Variants in SGCD observed in about 807,000 individuals in gnomAD.
SGCD encodes sarcoglycan delta.
Under a neutral mutation model 36.6 loss-of-function variants are expected in SGCD, and 18 were observed. The ratio of observed to expected loss-of-function variants is 0.49; its 90% confidence interval spans 0.34 to 0.73. SGCD has a LOEUF of 0.73. SGCD is among the 30% of genes least tolerant of loss of function. The probability of loss-of-function intolerance (pLI) is 0.01; values close to 1 mark genes in which losing one functional copy is unlikely to be tolerated. For synonymous variants in SGCD, 133 were observed against 130.6 expected (o/e 1.02, Z -0.12); for missense variants, 387 against 346.7 (o/e 1.12, Z -0.92).
At chr5:155,873,585 A>G (rs1258555955) in intron 1 of SGCD, among the ~76,000 whole-genome samples, 1 of 152,160 alleles carries the variant, frequency 6.6e-6, no homozygotes, top group Non-Finnish European at 1.5e-5. Context: ...AATGCACACT[A>G]TTCAGGTGAT....
chr5:156,492,015 C>A (rs1755968644), intron 3 of SGCD, among the ~76,000 whole-genome samples: 1 of 151,980 alleles, frequency 6.6e-6, no homozygotes, highest in African/African-American at 2.4e-5. Context: ...CAGTCTGTGA[C>A]AATGATGGCT....
chr5:156,600,976 A>G (rs555534310), intron 6 of SGCD, among the ~76,000 whole-genome samples: 1 of 152,252 alleles, frequency 6.6e-6, no homozygotes, highest in Middle Eastern at 3.4e-3. Context: ...AGAAATATCT[A>G]TTAAGATCTT....
chr5:155,766,422 T>A, the SGCD span, among the ~76,000 whole-genome samples: 1 of 152,102 alleles, frequency 6.6e-6, no homozygotes, highest in East Asian at 1.9e-4. Context: ...CTGGCTTTGA[T>A]AGAAGAATGG....
At chr5:156,726,982 A>G (rs1755809425) in intron 7 of SGCD, among the ~76,000 whole-genome samples, 1 of 152,252 alleles carries the variant, frequency 6.6e-6, no homozygotes, top group South Asian at 2.1e-4. Flanking sequence ...TACATTTAGT[A>G]CTATGGTAAC....
intron 6 of SGCD, among the ~76,000 whole-genome samples, chr5:156,600,808 C>CT (rs1159546813): frequency 1.3e-5 from 2 of 152,024 alleles, no homozygotes; most frequent in Non-Finnish European, 2.9e-5. Context: ...TAAGGATTCC[C>CT]TTTTTTTACA....
At chr5:156,622,083 C>G (rs1762273048) in intron 6 of SGCD, among the ~76,000 whole-genome samples, 1 of 151,954 alleles carries the variant, frequency 6.6e-6, no homozygotes, top group African/African-American at 2.4e-5. Flanking sequence ...CACAATTTAC[C>G]CAGGTAGAAT....
At chr5:156,315,882 A>T (rs926946874) in intron 3 of SGCD, among the ~76,000 whole-genome samples, 1 of 151,966 alleles carries the variant, frequency 6.6e-6, no homozygotes, top group African/African-American at 2.4e-5. Flanking sequence ...ATCTTTGCCC[A>T]TTTTTATTCA....
At chr5:156,295,989 T>G (rs1410695922) in intron 3 of SGCD, among the ~76,000 whole-genome samples, 1 of 152,198 alleles carries the variant, frequency 6.6e-6, no homozygotes, top group Non-Finnish European at 1.5e-5. Context: ...ACATGAATGT[T>G]AAATCAGATG....
intron 3 of SGCD, among the ~76,000 whole-genome samples, chr5:156,360,542 T>G (rs926665203): frequency 6.6e-6 from 1 of 152,140 alleles, no homozygotes; most frequent in Non-Finnish European, 1.5e-5. Context: ...TTGGTTTTTT[T>G]ACACTGTAGT....
chr5:156,366,635 A>T (rs114294828), intron 3 of SGCD, among the ~76,000 whole-genome samples: 5,201 of 152,282 alleles, frequency 0.034, 232 homozygotes, highest in African/African-American at 0.096. Context: ...CCTAAGAATG[A>T]GAGAAATTCT....
At chr5:156,052,082 G>T (rs1759932534) in intron 1 of SGCD, among the ~76,000 whole-genome samples, 2 of 146,362 alleles carry the variant, frequency 1.4e-5, no homozygotes, top group South Asian at 4.3e-4. Flanking sequence ...GGGGAAACAG[G>T]GATCCTCCAT....
At chr5:156,403,847 T>TG (rs1033941376) in intron 3 of SGCD, among the ~76,000 whole-genome samples, 1 of 151,668 alleles carries the variant, frequency 6.6e-6, no homozygotes, top group Non-Finnish European at 1.5e-5. Flanking sequence ...TTTTTTCTTT[T>TG]TTTTTGAGAT....
chr5:155,794,582 A>T, the SGCD span, among the ~76,000 whole-genome samples: 1 of 152,084 alleles, frequency 6.6e-6, no homozygotes, highest in Non-Finnish European at 1.5e-5. Flanking sequence ...ACAGCCGTAG[A>T]TGGGAGCAAT....
chr5:155,953,478 AG>A (rs1757584485), intron 1 of SGCD, among the ~76,000 whole-genome samples: 1 of 152,136 alleles, frequency 6.6e-6, no homozygotes, highest in African/African-American at 2.4e-5. Context: ...AGCCTGGAAA[AG>A]TTTGGGCAGA....
At chr5:156,602,778 C>A (rs1337899713) in intron 6 of SGCD, among the ~76,000 whole-genome samples, 1 of 152,140 alleles carries the variant, frequency 6.6e-6, no homozygotes, top group Non-Finnish European at 1.5e-5. Flanking sequence ...TCCTTGCATT[C>A]CTGGTATGAA....
chr5:155,920,672 G>C (rs1409823426), intron 1 of SGCD, among the ~76,000 whole-genome samples: 1 of 152,150 alleles, frequency 6.6e-6, no homozygotes, highest in African/African-American at 2.4e-5. Flanking sequence ...TCTTGGGCCT[G>C]GCCTTTATAT....
At chr5:156,517,878 T>TA (rs1047331799) in intron 4 of SGCD, among the ~76,000 whole-genome samples, 2 of 152,176 alleles carry the variant, frequency 1.3e-5, no homozygotes, top group Middle Eastern at 6.8e-3. Flanking sequence ...TACCAGCCAC[T>TA]AAAAAAACAC....
rs558171296 is a variant in SGCD, at chr5:156,711,199, G to A, written c.576-46382G>A. 3.3e-5 allele frequency among the ~76,000 whole-genome samples: 5 copies of A among 152,154 alleles called. No homozygotes were observed. The South Asian group carries it at 8.3e-4, about 25-fold the overall frequency. ...TTTTTTGGAATCCCCTTGGTCAAGA[G>A]GGGGGGTCCATTCAGTTCTTTGGGG... On this transcript the variant is annotated intron_variant, in intron 7 of 8. Coordinates refer to ENST00000337851, the MANE Select transcript of SGCD (RefSeq NM_000337.6).
At chr5:156,630,019 G>A (rs1381290963) in intron 6 of SGCD, among the ~76,000 whole-genome samples, 1 of 151,922 alleles carries the variant, frequency 6.6e-6, no homozygotes, top group African/African-American at 2.4e-5. Flanking sequence ...GTGCCACCAT[G>A]CCCAGCTAAT....
Sources: allele counts gnomAD v4.1 joint callset (sites outside exome capture counted in the v4.1 genomes callset), GRCh38; gene constraint gnomAD v4.1.1; transcripts MANE v1.5; gene names NCBI Gene and HGNC (gene_info 2026-07-23, HGNC 2026-07-21).